The following DLL4 variants were observed in gnomAD, a reference collection of about 807,000 sequenced individuals.
DLL4 encodes delta-like protein 4.
DLL4 carries 7 observed loss-of-function variants against 73.6 expected under a neutral mutation model. The observed-to-expected ratio is 0.10, with a 90% confidence interval of 0.05 to 0.18. DLL4 has a LOEUF of 0.18. Ranked by LOEUF, DLL4 falls within the 10% of genes least tolerant of loss-of-function variation. The probability of loss-of-function intolerance (pLI) is 1.00; values close to 1 mark genes in which losing one functional copy is unlikely to be tolerated. For missense variants in DLL4, 614 were observed against 929.9 expected (o/e 0.66, Z 4.42); for synonymous variants, 345 against 374.3 (o/e 0.92, Z 0.90).
rs760469031 is a variant in DLL4, at chr15:40,929,784, A to T, written c.66+50A>T. The T allele has an allele frequency of 1.9e-6, 3 of 1,606,508 alleles. No homozygotes were observed. The highest frequency in any genetic ancestry group is 2.5e-6 in the Non-Finnish European group (3 of 1,179,016). On this transcript the variant is annotated intron_variant, in intron 1 of 10. Coordinates refer to ENST00000249749, the MANE Select transcript of DLL4 (RefSeq NM_019074.4). The surrounding 1 kb of genome is among the most constrained non-coding windows in gnomAD (Gnocchi z 7.1). The stretch of plus-strand genomic sequence containing the variant: ...TCCCCTCTGCCGCGCTCTGGGCCTC[A>T]GCCCCGGGCACCAGCTGAGCTGACC...
Position 40,936,595 on chromosome 15 carries a change from G to A in DLL4, c.1608G>A (p.Val536=). 1 of 1,609,748 alleles carries A rather than the reference G, an allele frequency of 6.2e-7. No homozygotes were observed. The highest frequency in any genetic ancestry group is 8.5e-7 in the Non-Finnish European group (1 of 1,178,646). The change falls in exon 9 of 11, where the codon GTG becomes GTA. Residue 536 remains valine (V), a synonymous_variant. Transcript: ENST00000249749. ...CCTGGGTGGCCGTCTCGCTGGGTGT[G>A]GGGCTGGCAGTGCTGCTGGTACTGC... ...SFPWVAVSLG[V]GLAVLLVLLG...
chr15:40,934,725 C>G lies in DLL4; in HGVS notation c.1020+8C>G. 6.2e-7 allele frequency: 1 copy of G among 1,612,404 alleles called. No homozygotes were observed. The highest frequency in any genetic ancestry group is 8.5e-7 in the Non-Finnish European group (1 of 1,178,904). ...AATGGAGGCAGCTGTAAGGTGAGGC[C>G]CAGACCAGCGCAGGAAGACAGAGGT... On this transcript the variant is annotated splice_region_variant and intron_variant, in intron 7 of 10. Coordinates refer to ENST00000249749, the MANE Select transcript of DLL4 (RefSeq NM_019074.4).
chr15:40,934,412 G>A, intron 6 of DLL4, 136 bp from the exon 7 acceptor site: 2 of 680,908 alleles, frequency 2.9e-6, no homozygotes, highest in Admixed American at 3.2e-5. Context: ...GGTGGTGGAG[G>A]AAGGATGTTT....
chr15:40,938,069 C>G lies in DLL4; in HGVS notation c.*35C>G. The G allele has an allele frequency of 1.3e-6, 2 of 1,524,816 alleles. No homozygotes were observed. Among genetic ancestry groups the G allele is most frequent in the Non-Finnish European group, 1.8e-6 (2 of 1,138,290 alleles). The allele number at this position is 1,524,816 out of a possible 1,614,324, so 94.5% of individuals were successfully genotyped here. Reference sequence around the variant, plus strand: ...CTACCTGGACATCCCTGCTCAGCCCCGCGGCTGGACCTTCCTTCTGCATTG... The same window carrying G: ...CTACCTGGACATCCCTGCTCAGCCCGGCGGCTGGACCTTCCTTCTGCATTG... On this transcript the variant is annotated 3_prime_UTR_variant, in exon 11 of 11. Transcript: ENST00000249749.
In DLL4 at chr15:40,932,199, G is replaced by C. The variant is rs763033886; in HGVS notation, c.687G>C (p.Gln229His). The change falls in exon 5 of 11, where the codon CAG (glutamine) becomes CAC (histidine). Residue 229 changes from glutamine (Q) to histidine (H), a missense_variant. Gln to His is a conservative substitution (Grantham distance 24, BLOSUM62 0). Coordinates refer to ENST00000249749, the MANE Select transcript of DLL4 (RefSeq NM_019074.4). ...TCTGTCTTTCGGGCTGTCATGAACAGAATGGCTACTGCAGCAAGCCAGCAG... is the reference window on the plus strand; with the variant it reads ...TCTGTCTTTCGGGCTGTCATGAACACAATGGCTACTGCAGCAAGCCAGCAG... ...QPICLSGCHE[Q>H]NGYCSKPAEC... 14 of 1,614,052 alleles carry C rather than the reference G, an allele frequency of 8.7e-6. No individual in the cohort carries two copies. The East Asian group carries it at 3.1e-4, about 36-fold the overall frequency.
chr15:40,930,862 T>C lies in DLL4; in HGVS notation c.394+180T>C, dbSNP rs1055611483. On this transcript the variant is annotated intron_variant, in intron 3 of 10. Coordinates refer to ENST00000249749, the MANE Select transcript of DLL4 (RefSeq NM_019074.4). The surrounding 1 kb of genome is among the most constrained non-coding windows in gnomAD (Gnocchi z 5.7). ...CTCGCTGCCTGGACTCAGAGCACAA[T>C]TGCGTTTCCTGCGGGTTATTTTTGG... is the stretch of plus-strand genomic sequence containing the variant. 1.2e-5 allele frequency: 8 copies of C among 643,028 alleles called. No homozygotes were observed. Among genetic ancestry groups the C allele is most frequent in the Middle Eastern group, 8.5e-4 (2 of 2,354 alleles). The allele number at this position is 643,028 out of a possible 1,614,324, so 39.8% of individuals were successfully genotyped here. A position where few individuals can be genotyped will look rare whatever the true frequency, so the allele number is the denominator to read the frequency against.
At position 40,936,232 on chromosome 15, in the gene DLL4, A is replaced by T; in HGVS notation, c.1245A>T (p.Gly415=). 6.3e-7 allele frequency: 1 copy of T among 1,584,368 alleles called. No homozygotes were observed. Residue 415 remains glycine, a synonymous_variant, in exon 9 of 11, where the codon GGA becomes GGT. Coordinates refer to ENST00000249749, the MANE Select transcript of DLL4 (RefSeq NM_019074.4). ...RCTSNPCANG[G]QCLNRGPSRM... ...GTGTCTCATGCGTCCTCACAGGGGG[A>T]CAGTGCCTGAACCGAGGTCCAAGCC...
chr15:40,930,263 C>A lies in DLL4; in HGVS notation c.336+147C>A. On this transcript the variant is annotated intron_variant, in intron 2 of 10. Coordinates refer to ENST00000249749, the MANE Select transcript of DLL4 (RefSeq NM_019074.4). The surrounding 1 kb of genome is among the most constrained non-coding windows in gnomAD (Gnocchi z 5.7). ...CATTCTTTCCTGGCTCTTCCCGACT[C>A]TCTCCTGAGACTGATCCCAGAAAAG... is the stretch of plus-strand genomic sequence containing the variant. The A allele has an allele frequency of 2.0e-6, 2 of 1,022,868 alleles. No individual in the cohort carries two copies. Among genetic ancestry groups the A allele is most frequent in the Non-Finnish European group, 2.8e-6 (2 of 709,804 alleles). 63.4% of individuals were successfully genotyped at this position (1,022,868 alleles called of 1,614,324 possible).
At chr15:40,932,041 G>C in intron 4 of DLL4, 130 bp from the exon 5 acceptor site, 1 of 1,092,954 alleles carries the variant, frequency 9.1e-7, no homozygotes, top group Non-Finnish European at 1.3e-6. Context: ...GACACTCGGG[G>C]CTCCTCTGGG....
At position 40,938,198 on chromosome 15, in the gene DLL4, T is replaced by G. The variant is rs1892871568; in HGVS notation, c.*164T>G. ...GACAGACTGTGAACTTGCCAAGAGATGCAATACCCTTCCACACCTTTGGGT... is the reference window on the plus strand; with the variant it reads ...GACAGACTGTGAACTTGCCAAGAGAGGCAATACCCTTCCACACCTTTGGGT... On this transcript the variant is annotated 3_prime_UTR_variant, in exon 11 of 11. Coordinates refer to ENST00000249749, the MANE Select transcript of DLL4 (RefSeq NM_019074.4). 10 of 669,670 alleles carry G rather than the reference T, an allele frequency of 1.5e-5. No homozygotes were observed. The highest frequency in any genetic ancestry group is 2.3e-5 in the Non-Finnish European group (10 of 433,948). 41.5% of individuals were successfully genotyped at this position (669,670 alleles called of 1,614,324 possible). A position where few individuals can be genotyped will look rare whatever the true frequency, so the allele number is the denominator to read the frequency against.
Position 40,938,096 on chromosome 15 carries a change from T to A in DLL4, c.*62T>A. On this transcript the variant is annotated 3_prime_UTR_variant, in exon 11 of 11. Coordinates refer to ENST00000249749, the MANE Select transcript of DLL4 (RefSeq NM_019074.4). ...CGGCTGGACCTTCCTTCTGCATTGTTTACATTGCATCCTGGATGGGACGTT... is the reference window on the plus strand; with the variant it reads ...CGGCTGGACCTTCCTTCTGCATTGTATACATTGCATCCTGGATGGGACGTT... 6.8e-7 allele frequency: 1 copy of A among 1,476,618 alleles called. No individual in the cohort carries two copies. Among genetic ancestry groups the A allele is most frequent in the Non-Finnish European group, 9.0e-7 (1 of 1,110,250 alleles). The allele number at this position is 1,476,618 out of a possible 1,614,324, so 91.5% of individuals were successfully genotyped here.
chr15:40,933,288 G>C (rs1488812736), intron 6 of DLL4, among the ~76,000 whole-genome samples: 1 of 151,924 alleles, frequency 6.6e-6, no homozygotes, highest in Non-Finnish European at 1.5e-5. Flanking sequence ...GTGTGTGTGT[G>C]TGTGTGTGTG....
chr15:40,930,644 T>C lies in DLL4; in HGVS notation c.356T>C (p.Ile119Thr). The change falls in exon 3 of 11, where the codon ATC becomes ACC. Residue 119 changes from isoleucine (I) to threonine (T), a missense_variant. By Grantham distance (89) the Ile-to-Thr change is moderately conservative. Around this residue, in one of 3 missense-constraint regions of DLL4, gnomAD observed 227 missense variants for 370.8 expected, o/e 0.61. Coordinates refer to ENST00000249749, the MANE Select transcript of DLL4 (RefSeq NM_019074.4). The surrounding 1 kb of genome is among the most constrained non-coding windows in gnomAD (Gnocchi z 5.7). ...TCCCAGGGTACCTTCTCGCTCATCA[T>C]CGAAGCTTGGCACGCGCCAGGAGAC... Reference protein sequence around the residue: ...FTWPGTFSLIIEAWHAPGDDL... With the variant: ...FTWPGTFSLITEAWHAPGDDL... 1 of 1,613,878 alleles carries C rather than the reference T, an allele frequency of 6.2e-7. No individual in the cohort carries two copies. Among genetic ancestry groups the C allele is most frequent in the East Asian group, 2.2e-5 (1 of 44,886 alleles).
At position 40,935,069 on chromosome 15, in the gene DLL4, A is replaced by C; in HGVS notation, c.1192A>C (p.Asn398His). Residue 398 changes from asparagine to histidine, a missense_variant, in exon 8 of 11, where the codon AAC (asparagine) becomes CAC (histidine). Coordinates refer to ENST00000249749, the MANE Select transcript of DLL4 (RefSeq NM_019074.4). ...CECPPNFTGS[N>H]CEKKVDRCTS... ...ATGTCCCCCCAACTTCACCGGCTCC[A>C]ACTGCGAGAAGAAAGTGGACAGGTG... The C allele has an allele frequency of 6.2e-7, 1 of 1,613,338 alleles. No homozygotes were observed. The highest frequency in any genetic ancestry group is 8.5e-7 in the Non-Finnish European group (1 of 1,179,882).
chr15:40,934,760 T>C, intron 7 of DLL4, 43 bp downstream of exon 7: 1 of 1,601,366 alleles, frequency 6.2e-7, no homozygotes, highest in Non-Finnish European at 8.5e-7. Context: ...TGTCAGGTGG[T>C]GTCTGGGCAT....
rs1412141897 is a variant in DLL4 at position 40,935,125 on chromosome 15, C to G, written c.1240+8C>G. 1.9e-6 allele frequency: 3 copies of G among 1,607,454 alleles called. No individual in the cohort carries two copies. The Admixed American group carries it at 5.0e-5, about 27-fold the overall frequency. On this transcript the variant is annotated splice_region_variant and intron_variant, in intron 8 of 10. Transcript: ENST00000249749. The stretch of plus-strand genomic sequence containing the variant: ...GCAACCCCTGTGCCAACGGTGCGTG[C>G]TGCTGCCCTGCTAACCTGGTGGACT...
chr15:40,931,716 A>C lies in DLL4; in HGVS notation c.608A>C (p.Asp203Ala). 1 of 1,613,874 alleles carries C rather than the reference A, an allele frequency of 6.2e-7. No homozygotes were observed. Among genetic ancestry groups the C allele is most frequent in the Non-Finnish European group, 8.5e-7 (1 of 1,179,890 alleles). The change falls in exon 4 of 11, where the codon GAT becomes GCT. Residue 203 changes from aspartate to alanine, a missense_variant. This residue lies in a region of DLL4 where 227 missense variants were observed against 370.8 expected (regional missense o/e 0.61). Coordinates refer to ENST00000249749, the MANE Select transcript of DLL4 (RefSeq NM_019074.4). ...DHFGHYVCQP[D>A]GNLSCLPGWT... is the part of the protein sequence containing the mutation. ...TTCGGCCACTATGTGTGCCAGCCAG[A>C]TGGCAACTTGTCCTGCCTGCCCGGT... is the stretch of plus-strand genomic sequence containing the variant.
Position 40,938,187 on chromosome 15 carries a change from T to G in DLL4, c.*153T>G. 1 of 822,760 alleles carries G rather than the reference T, an allele frequency of 1.2e-6. No homozygotes were observed. The highest frequency in any genetic ancestry group is 1.8e-6 in the Non-Finnish European group (1 of 570,306). The allele number at this position is 822,760 out of a possible 1,614,324, so 51.0% of individuals were successfully genotyped here. On this transcript the variant is annotated 3_prime_UTR_variant, in exon 11 of 11. Coordinates refer to ENST00000249749, the MANE Select transcript of DLL4 (RefSeq NM_019074.4). ...GGCAGGAACCGGACAGACTGTGAAC[T>G]TGCCAAGAGATGCAATACCCTTCCA... is the stretch of plus-strand genomic sequence containing the variant.
In DLL4 at chr15:40,936,562, C is replaced by T. The variant is rs780561241; in HGVS notation, c.1575C>T (p.Pro525=). The change falls in exon 9 of 11, where the codon CCC becomes CCT. Residue 525 remains proline (P), a synonymous_variant. Coordinates refer to ENST00000249749, the MANE Select transcript of DLL4 (RefSeq NM_019074.4). ...SRCEFPVGLP[P]SFPWVAVSLG... Reference sequence around the variant, plus strand: ...GCGAGTTCCCCGTGGGCTTGCCGCCCAGCTTCCCCTGGGTGGCCGTCTCGC... The same window carrying T: ...GCGAGTTCCCCGTGGGCTTGCCGCCTAGCTTCCCCTGGGTGGCCGTCTCGC... The T allele has an allele frequency of 6.2e-7, 1 of 1,609,704 alleles. No individual in the cohort carries two copies. The highest frequency in any genetic ancestry group is 2.2e-5 in the East Asian group (1 of 44,740).
Sources: gnomAD v4.1 joint callset for allele counts (sites outside exome capture counted in the v4.1 genomes callset) on GRCh38, gnomAD v4.1.1 for gene constraint, gnomAD v4.1.1 regional missense constraint, Gnocchi (gnomAD v3.1) non-coding constraint, MANE v1.5 for transcripts, NCBI Gene and HGNC (gene_info 2026-07-23, HGNC 2026-07-21) for gene names.